Variants in TRIP13 observed in about 807,000 individuals in gnomAD.
TRIP13 encodes the protein thyroid hormone receptor interactor 13.
In TRIP13, 25 loss-of-function variants were observed where a neutral mutation model predicts 54.4. The observed-to-expected ratio is 0.46, with a 90% CI of 0.33 to 0.64. TRIP13 has a LOEUF of 0.64. Among genes scored for constraint, TRIP13 ranks in the 30% least tolerant of loss-of-function variants. The pLI, the probability that TRIP13 is intolerant of heterozygous loss-of-function variation, is 0.02. For synonymous variants in TRIP13, 207 were observed against 207.8 expected (o/e 1.00, Z 0.03); for missense variants, 373 against 534.2 (o/e 0.70, Z 2.97).
At chr5:910,253 C>T (rs1754202715) in intron 9 of TRIP13, among the ~76,000 whole-genome samples, 1 of 152,230 alleles carries the variant, frequency 6.6e-6, no homozygotes, top group African/African-American at 2.4e-5. Context: ...GGCCCCTTCC[C>T]TGAATCTCTT....
At position 901,229 on chromosome 5, in the gene TRIP13, C is replaced by T. The variant is rs138022000; in HGVS notation, c.445-112C>T. Reference sequence around the variant, plus strand: ...GATGATCTCTTAGGAGGCGGCCTCGCTCCCTGTGCTCCCTCTTCTCATGTA... The same window carrying T: ...GATGATCTCTTAGGAGGCGGCCTCGTTCCCTGTGCTCCCTCTTCTCATGTA... On this transcript the variant is annotated intron_variant, in intron 4 of 12. Transcript: ENST00000166345. 449 of 887,980 alleles carry T rather than the reference C, an allele frequency of 5.1e-4. 2 individuals carry two copies. The East Asian group carries it at 0.012, about 23-fold the overall frequency. The allele number at this position is 887,980 out of a possible 1,614,324, so 55.0% of individuals were successfully genotyped here. A position where few individuals can be genotyped will look rare whatever the true frequency, so the allele number is the denominator to read the frequency against.
rs1276911243 is a variant in TRIP13 at position 907,245 on chromosome 5, GT to G, written c.672+53del. On this transcript the variant is annotated intron_variant, in intron 7 of 12. Coordinates refer to ENST00000166345, the MANE Select transcript of TRIP13 (RefSeq NM_004237.4). This position sits in a 1 kb window ranked among gnomAD's most constrained non-coding sequence, Gnocchi z 4.1. ...GTCTGGATTGTATAGCTGAAAAAAT[GT>G]CTTGTATGTTAGGCAAATCCTCCTC... The G allele has an allele frequency of 2.0e-6, 3 of 1,508,160 alleles. No homozygotes were observed. The Admixed American group carries it at 5.2e-5, about 26-fold the overall frequency. 93.4% of individuals were successfully genotyped at this position (1,508,160 alleles called of 1,614,324 possible). A position where few individuals can be genotyped will look rare whatever the true frequency, so the allele number is the denominator to read the frequency against.
At position 908,099 on chromosome 5, in the gene TRIP13, T is replaced by A; in HGVS notation, c.759+25T>A. On this transcript the variant is annotated intron_variant, in intron 8 of 12. Coordinates refer to ENST00000166345, the MANE Select transcript of TRIP13 (RefSeq NM_004237.4). The surrounding 1 kb of genome is among the most constrained non-coding windows in gnomAD (Gnocchi z 5.2). ...GGTAGGCATTTCCAGATAAGGAAAT[T>A]CATGACAGAATCGCCTTTTGCCATT... 6.2e-7 allele frequency: 1 copy of A among 1,611,940 alleles called. No homozygotes were observed. Among genetic ancestry groups the A allele is most frequent in the South Asian group, 1.1e-5 (1 of 91,026 alleles).
chr5:917,373 G>A lies in TRIP13; in HGVS notation c.*270G>A, dbSNP rs1754361870. On this transcript the variant is annotated 3_prime_UTR_variant, in exon 13 of 13. Transcript: ENST00000166345. ...GTTTGTCTCCTTGTGAAGAACCATC[G>A]AAACCTGTTTGTTCCCAGCCCACCC... The A allele has an allele frequency of 5.8e-6, 2 of 344,958 alleles. No individual in the cohort carries two copies. Among genetic ancestry groups the A allele is most frequent in the Middle Eastern group, 7.9e-4 (1 of 1,268 alleles). 21.4% of individuals were successfully genotyped at this position (344,958 alleles called of 1,614,324 possible). A position where few individuals can be genotyped will look rare whatever the true frequency, so the allele number is the denominator to read the frequency against.
At position 913,195 on chromosome 5, in the gene TRIP13, G is replaced by A. The variant is rs191895961; in HGVS notation, c.1020+1199G>A. On this transcript the variant is annotated intron_variant, in intron 10 of 12. Coordinates refer to ENST00000166345, the MANE Select transcript of TRIP13 (RefSeq NM_004237.4). This position sits in a 1 kb window ranked among gnomAD's most constrained non-coding sequence, Gnocchi z 4.5. ...TGATAGCAGATCCTGCGAGGAAGTC[G>A]TGTGTGTTGGAGGTCCTCACGCACC... Among the ~76,000 whole-genome samples, 249 of 152,338 alleles carry A rather than the reference G, an allele frequency of 1.6e-3. No individual in the cohort carries two copies. The highest frequency in any genetic ancestry group is 2.4e-3 in the Non-Finnish European group (166 of 68,026).
At chr5:905,823 G>GT in intron 6 of TRIP13, among the ~76,000 whole-genome samples, 1 of 152,206 alleles carries the variant, frequency 6.6e-6, no homozygotes, top group Non-Finnish European at 1.5e-5. Context: ...TCTTGTAAAT[G>GT]TTTTTACATA....
At position 912,051 on chromosome 5, in the gene TRIP13, A is replaced by G; in HGVS notation, c.1020+55A>G. 6.4e-7 allele frequency: 1 copy of G among 1,561,550 alleles called. No individual in the cohort carries two copies. Among genetic ancestry groups the G allele is most frequent in the Non-Finnish European group, 8.6e-7 (1 of 1,156,146 alleles). ...CAAATGGATTTCTTATATGTTCTTA[A>G]TTAATTAAGATAGCTTAAAATAAGC... is the stretch of plus-strand genomic sequence containing the variant. On this transcript the variant is annotated intron_variant, in intron 10 of 12. Transcript: ENST00000166345. The surrounding 1 kb of genome is among the most constrained non-coding windows in gnomAD (Gnocchi z 7.2).
chr5:904,252 A>T (rs1357941020), intron 6 of TRIP13, 32 bp downstream of exon 6: 2 of 1,552,294 alleles, frequency 1.3e-6, no homozygotes, highest in African/African-American at 2.8e-5. Flanking sequence ...GAGGAGAGCC[A>T]TGGGAATGGG....
At chr5:909,665 C>T (rs902826686) in intron 9 of TRIP13, among the ~76,000 whole-genome samples, 4 of 152,288 alleles carry the variant, frequency 2.6e-5, no homozygotes. Flanking sequence ...CTGAGAGCCC[C>T]GAACAGAGGT....
chr5:909,081 C>CT (rs921249381), intron 9 of TRIP13: 1 of 154,798 alleles, frequency 6.5e-6, no homozygotes, highest in African/African-American at 2.4e-5. Flanking sequence ...ATCCCACCCA[C>CT]TGTCAGCACC....
rs1270244853 is a variant in TRIP13, at chr5:915,941, C to G, written c.1171C>G (p.Leu391Val). 6.2e-7 allele frequency: 1 copy of G among 1,614,186 alleles called. No homozygotes were observed. The highest frequency in any genetic ancestry group is 1.1e-5 in the South Asian group (1 of 91,088). The change falls in exon 12 of 13, where the codon CTC becomes GTC. Residue 391 changes from leucine (L) to valine (V), a missense_variant. This residue lies in a region of TRIP13 where 101 missense variants were observed against 138.5 expected (regional missense o/e 0.73). Transcript: ENST00000166345. This position sits in a 1 kb window ranked among gnomAD's most constrained non-coding sequence, Gnocchi z 4.2. Reference sequence around the variant, plus strand: ...CCTCAGCGGCCGGGTCCTGAGAAAACTCCCCTTTCTGGCTCATGCGCTGTA... The same window carrying G: ...CCTCAGCGGCCGGGTCCTGAGAAAAGTCCCCTTTCTGGCTCATGCGCTGTA... Reference protein sequence around the residue: ...EGLSGRVLRKLPFLAHALYVQ... With the variant: ...EGLSGRVLRKVPFLAHALYVQ...
At chr5:904,326 T>C (rs1326872230) in intron 6 of TRIP13, 106 bp downstream of exon 6, 7 of 907,326 alleles carry the variant, frequency 7.7e-6, no homozygotes, top group Non-Finnish European at 1.0e-5. Flanking sequence ...TAGATTCCTC[T>C]CCACTGTAAG....
chr5:918,805 C>T (rs889657539), downstream of TRIP13, among the ~76,000 whole-genome samples: 2 of 152,106 alleles, frequency 1.3e-5, no homozygotes, highest in Non-Finnish European at 2.9e-5. This position sits in a 1 kb window ranked among gnomAD's most constrained non-coding sequence, Gnocchi z 4.3. Context: ...AGGTTAGGCC[C>T]GTCTCGCCTT....
intron 9 of TRIP13, among the ~76,000 whole-genome samples, chr5:909,248 G>A (rs965232036): frequency 2.0e-5 from 3 of 152,164 alleles, no homozygotes; most frequent in African/African-American, 7.2e-5. Context: ...CTTAAGGAGC[G>A]ACAGCTGCTG....
At position 908,169 on chromosome 5, in the gene TRIP13, A is replaced by G; in HGVS notation, c.759+95A>G. On this transcript the variant is annotated intron_variant, in intron 8 of 12. Transcript: ENST00000166345. The surrounding 1 kb of genome is among the most constrained non-coding windows in gnomAD (Gnocchi z 5.2). The stretch of plus-strand genomic sequence containing the variant: ...CTGATGCTCCTAGCTTTCCCCTCCT[A>G]CAGCCGGGCTGCCCTCTATCCCTCC... The G allele has an allele frequency of 6.7e-7, 1 of 1,484,806 alleles. No individual in the cohort carries two copies. The highest frequency in any genetic ancestry group is 9.4e-7 in the Non-Finnish European group (1 of 1,065,908). 92.0% of individuals were successfully genotyped at this position (1,484,806 alleles called of 1,614,324 possible).
chr5:893,173 A>C, intron 1 of TRIP13, 83 bp downstream of exon 1: 1 of 1,168,192 alleles, frequency 8.6e-7, no homozygotes, highest in Non-Finnish European at 1.1e-6. Flanking sequence ...ACCCCAGCGC[A>C]CTGATTCTGA....
chr5:904,299 TCA>T, intron 6 of TRIP13, 79 bp downstream of exon 6: 1 of 1,214,630 alleles, frequency 8.2e-7, no homozygotes, highest in Non-Finnish European at 1.2e-6. Context: ...TTTTTCTAAA[TCA>T]TTTTACGCAA....
chr5:901,767 C>T (rs1484327559), intron 5 of TRIP13, among the ~76,000 whole-genome samples: 4 of 152,170 alleles, frequency 2.6e-5, no homozygotes, highest in Non-Finnish European at 5.9e-5. Flanking sequence ...GGATTACAGG[C>T]ATGCGCCACC....
At chr5:919,176 A>G (rs550509841), downstream of TRIP13, 1 of 152,322 alleles carries the variant, frequency 6.6e-6, no homozygotes, top group South Asian at 2.1e-4. Flanking sequence ...GGTGCTGTGG[A>G]CCCCAGCTCC....
Sources: allele counts gnomAD v4.1 joint callset (sites outside exome capture counted in the v4.1 genomes callset), GRCh38; gene constraint gnomAD v4.1.1; regional missense constraint gnomAD v4.1.1; non-coding constraint Gnocchi (gnomAD v3.1); transcripts MANE v1.5; gene names NCBI Gene and HGNC (gene_info 2026-07-23, HGNC 2026-07-21).